SEC16B: variants seen among roughly 807,000 people sequenced by gnomAD.
The protein encoded by SEC16B is protein transport protein Sec16B.
A neutral mutation model predicts 141.8 loss-of-function variants in SEC16B; 115 were observed. The ratio of observed to expected loss-of-function variants is 0.81; its 90% CI spans 0.70 to 0.95. SEC16B has a LOEUF of 0.95. Among genes scored for constraint, SEC16B ranks in the 40% least tolerant of loss-of-function variants. The pLI is 0.00. For synonymous variants in SEC16B, 493 were observed against 492.5 expected, an observed-to-expected ratio of 1.00 and a Z score of -0.01; for missense variants, 1,291 against 1,312.3, an observed-to-expected ratio of 0.98 and a Z score of 0.25.
intron 1 of SEC16B, among the ~76,000 whole-genome samples, chr1:177,979,704 G>A (rs1654324286): frequency 6.6e-6 from 1 of 152,180 alleles, no homozygotes; most frequent in African/African-American, 2.4e-5. Context: ...AAAAGAAAGA[G>A]GTTTAATGGA....
intron 17 of SEC16B, 51 bp from the exon 18 acceptor site, chr1:177,939,828 G>T: frequency 2.2e-6 from 3 of 1,369,108 alleles, no homozygotes; most frequent in East Asian, 2.5e-5. Context: ...GGAAAAACAA[G>T]AACAGAGAAA....
At chr1:177,933,668 G>A in intron 20 of SEC16B, 32 bp from the exon 21 acceptor site, 1 of 1,611,332 alleles carries the variant, frequency 6.2e-7, no homozygotes, top group Non-Finnish European at 8.5e-7. Context: ...ACATTTGCAT[G>A]GCACTTGACA....
At chr1:177,959,041 G>C (rs757109680) in intron 8 of SEC16B, 66 bp from the exon 9 acceptor site, 18 of 1,539,968 alleles carry the variant, frequency 1.2e-5, no homozygotes, top group African/African-American at 4.1e-5. Flanking sequence ...CGGACCCCAG[G>C]CTCCTCCTAA....
Position 177,960,921 on chromosome 1 carries a change from G to C in SEC16B, c.806C>G (p.Pro269Arg). The C allele has an allele frequency of 6.2e-7, 1 of 1,613,894 alleles. No homozygotes were observed. The highest frequency in any genetic ancestry group is 2.2e-5 in the East Asian group (1 of 44,874). ...GATGTAGAACTTCATGGGTGCTTTG[G>C]GACCAGCTGAGGAGACATCTTCTGA... Reference protein sequence around the residue: ...PVQADVSSAGPKAPMKFYIPH... With the variant: ...PVQADVSSAGRKAPMKFYIPH... The change falls in exon 7 of 26, where the codon CCC becomes CGC. Residue 269 changes from proline (P) to arginine (R), a missense_variant. Pro to Arg is a moderately radical substitution (Grantham distance 103). This residue lies in a region of SEC16B where 681 missense variants were observed against 675.5 expected (regional missense o/e 1.01). Coordinates refer to ENST00000308284, the MANE Select transcript of SEC16B (RefSeq NM_033127.4).
intron 1 of SEC16B, among the ~76,000 whole-genome samples, chr1:177,980,151 G>A: frequency 6.6e-6 from 1 of 152,020 alleles, no homozygotes; most frequent in South Asian, 2.1e-4. Context: ...TTTACACTTA[G>A]GATGCAATAT....
chr1:177,969,694 G>C (rs889553742), intron 1 of SEC16B, among the ~76,000 whole-genome samples, 190 bp downstream of exon 1: 3 of 152,104 alleles, frequency 2.0e-5, no homozygotes, highest in Admixed American at 2.0e-4. Context: ...CTCAGATTAA[G>C]GACACCAAAT....
intron 1 of SEC16B, among the ~76,000 whole-genome samples, chr1:177,980,507 C>A (rs1571365410): frequency 6.6e-6 from 1 of 151,932 alleles, no homozygotes; most frequent in Non-Finnish European, 1.5e-5. Flanking sequence ...AGGTGGGAAC[C>A]CAGGAGTACT....
chr1:177,942,543 CT>C (rs1571316649), intron 15 of SEC16B, among the ~76,000 whole-genome samples: 1 of 152,084 alleles, frequency 6.6e-6, no homozygotes, highest in Admixed American at 6.5e-5. Flanking sequence ...TGGCATGCAC[CT>C]GTAGTCCCAG....
Position 177,965,069 on chromosome 1 carries a change from T to C in SEC16B, c.511A>G (p.Thr171Ala), listed in dbSNP as rs1247466602. The stretch of plus-strand genomic sequence containing the variant: ...TACTGGAAGTGGGTCTCACTATTTG[T>C]TCCAAATGGACTGTGCTGGTTTTCA... Reference protein sequence around the residue: ...HYENQHSPFGTNSETHFQSNS... With the variant: ...HYENQHSPFGANSETHFQSNS... Residue 171 changes from threonine to alanine, a missense_variant, in exon 4 of 26, where the codon ACA (threonine) becomes GCA (alanine). Coordinates refer to ENST00000308284, the MANE Select transcript of SEC16B (RefSeq NM_033127.4). 1.2e-6 allele frequency: 2 copies of C among 1,613,454 alleles called. No homozygotes were observed. The highest frequency in any genetic ancestry group is 2.7e-5 in the African/African-American group (2 of 74,916).
At chr1:177,959,103 G>C in intron 8 of SEC16B, 128 bp from the exon 9 acceptor site, 1 of 980,438 alleles carries the variant, frequency 1.0e-6, no homozygotes, top group Non-Finnish European at 1.6e-6. Context: ...GACAAGCCAG[G>C]GCTAAGGTAA....
chr1:177,970,531 G>T (rs761732347), upstream of SEC16B, among the ~76,000 whole-genome samples: 1 of 152,208 alleles, frequency 6.6e-6, no homozygotes, highest in Admixed American at 6.5e-5. Flanking sequence ...ACATGGGGAA[G>T]GGGACACGCT....
chr1:177,977,169 A>G (rs1350731995), intron 1 of SEC16B, among the ~76,000 whole-genome samples: 1 of 152,200 alleles, frequency 6.6e-6, no homozygotes, highest in Non-Finnish European at 1.5e-5. Context: ...AGATACACAT[A>G]CACACACATT....
chr1:177,961,987 G>A (rs10798585), intron 5 of SEC16B, among the ~76,000 whole-genome samples: 31,724 of 152,140 alleles, frequency 0.21, 3,515 homozygotes, highest in East Asian at 0.33. Context: ...CCCTGGACAC[G>A]TGACTTAGGC....
chr1:177,965,197 C>T, intron 3 of SEC16B, 30 bp from the exon 4 acceptor site: 1 of 1,610,790 alleles, frequency 6.2e-7, no homozygotes, highest in Non-Finnish European at 8.5e-7. Flanking sequence ...AAAATCAAGA[C>T]AGGTCACTTC....
rs959074808 is a variant in SEC16B at position 177,930,069 on chromosome 1, C to T, written c.3112-140G>A. On this transcript the variant is annotated intron_variant, in intron 25 of 25. Transcript: ENST00000308284. ...AGGTTGTGTTCTAATTGCGTACCTC[C>T]ACCCAACCCTTCACCTAACTGTGGT... 29 of 757,288 alleles carry T rather than the reference C, an allele frequency of 3.8e-5. No homozygotes were observed. The African/African-American group carries it at 4.9e-4, about 13-fold the overall frequency. 46.9% of individuals were successfully genotyped at this position (757,288 alleles called of 1,614,324 possible).
rs1349496602 is a variant in SEC16B, at chr1:177,947,737, GGGGAGGGGAGGTGAGGAAAGGGACA to G, written c.1663+63_1663+87del. 7 of 367,882 alleles carry G rather than the reference GGGGAGGGGAGGTGAGGAAAGGGACA, an allele frequency of 1.9e-5. No homozygotes were observed. The African/African-American group carries it at 2.0e-4, about 10-fold the overall frequency. 22.8% of individuals were successfully genotyped at this position (367,882 alleles called of 1,614,324 possible). Reference sequence around the variant, plus strand: ...AGGGAGGGGAGGTGAGGAGAGGGACGGGGAGGGGAGGTGAGGAAAGGGACAGGGAGGGGAGGGGAGGGAAGGGACA... The same window carrying G: ...AGGGAGGGGAGGTGAGGAGAGGGACGGGGAGGGGAGGGGAGGGAAGGGACA... On this transcript the variant is annotated intron_variant, in intron 13 of 25. Coordinates refer to ENST00000308284, the MANE Select transcript of SEC16B (RefSeq NM_033127.4).
At chr1:177,964,383 C>T in intron 4 of SEC16B, 104 bp from the exon 5 acceptor site, 1 of 684,128 alleles carries the variant, frequency 1.5e-6, no homozygotes, top group Non-Finnish European at 2.5e-6. Flanking sequence ...GGGCAGGTAC[C>T]ATGTCAGCCT....
At chr1:177,958,563 T>C (rs985721590) in intron 9 of SEC16B, 2 of 611,138 alleles carry the variant, frequency 3.3e-6, no homozygotes, top group African/African-American at 1.9e-5. Context: ...TCAGGAGCCA[T>C]AAAGCTTACC....
intron 9 of SEC16B, 58 bp downstream of exon 9, chr1:177,958,782 A>T (rs1470246582): frequency 6.4e-7 from 1 of 1,557,048 alleles, no homozygotes. Flanking sequence ...AATCTTATCT[A>T]TCCCATGAAG....
Sources: gnomAD v4.1 joint callset for allele counts (sites outside exome capture counted in the v4.1 genomes callset) on GRCh38, gnomAD v4.1.1 for gene constraint, gnomAD v4.1.1 regional missense constraint, MANE v1.5 for transcripts, NCBI Gene and HGNC (gene_info 2026-07-23, HGNC 2026-07-21) for gene names.